The following LRRTM1 variants were observed in gnomAD, a reference collection of about 807,000 sequenced individuals.
The protein encoded by LRRTM1 is leucine rich repeat transmembrane neuronal 1.
LRRTM1 carries 8 observed loss-of-function variants against 37.3 expected under a neutral mutation model. The observed-to-expected ratio is 0.21, with a 90% CI of 0.13 to 0.39. The LOEUF (loss-of-function observed/expected upper bound fraction) is 0.39, where lower values mean the gene tolerates loss of function less well. LRRTM1 is among the 10% of genes least tolerant of loss of function. LRRTM1 has a pLI of 1.00. For missense variants in LRRTM1, 557 were observed against 691.0 expected (o/e 0.81, Z 2.17); for synonymous variants, 326 against 316.8 (o/e 1.03, Z -0.31).
chr2:80,300,281 G>GGGGTGTGTGT (rs1353283390), downstream of LRRTM1, among the ~76,000 whole-genome samples: 73 of 93,160 alleles, frequency 7.8e-4, no homozygotes, highest in Middle Eastern at 6.9e-3. Context: ...GGGGTGTTGG[G>GGGGTGTGTGT]GTGTGTGTGT....
At chr2:80,297,695 CA>C (rs779896938), downstream of LRRTM1, among the ~76,000 whole-genome samples, 2 of 151,962 alleles carry the variant, frequency 1.3e-5, no homozygotes, top group Admixed American at 1.3e-4. Flanking sequence ...AAAATACTCT[CA>C]AAAAATATAT....
At chr2:80,294,064 TACCTCATAATG>T (rs1675504938) in intron 2 of LRRTM1, among the ~76,000 whole-genome samples, 1 of 152,136 alleles carries the variant, frequency 6.6e-6, no homozygotes, top group Admixed American at 6.5e-5. Flanking sequence ...GGACTAGCTT[TACCTCATAATG>T]ACACAACCAA....
chr2:80,295,227 T>G (rs1445662252), intron 2 of LRRTM1, among the ~76,000 whole-genome samples: 1 of 145,206 alleles, frequency 6.9e-6, no homozygotes, highest in Non-Finnish European at 1.5e-5. Flanking sequence ...CTGAACAAAT[T>G]TTTTTTTTTT....
At chr2:80,288,546 AGGT>A (rs1348134505) in exon 3 of LRRTM1, 1 of 152,180 alleles carries the variant, frequency 6.6e-6, no homozygotes, top group Non-Finnish European at 1.5e-5. Flanking sequence ...GAAAGAATTA[AGGT>A]GAAAAATAAA....
intron 2 of LRRTM1, among the ~76,000 whole-genome samples, chr2:80,295,628 GA>G (rs1675676040): frequency 6.6e-6 from 1 of 152,174 alleles, no homozygotes; most frequent in Admixed American, 6.5e-5. Flanking sequence ...CCCCAAACTG[GA>G]AAGGTTCTTA....
At chr2:80,293,332 A>T (rs1675430992) in intron 2 of LRRTM1, among the ~76,000 whole-genome samples, 1 of 152,234 alleles carries the variant, frequency 6.6e-6, no homozygotes, top group Admixed American at 6.5e-5. Flanking sequence ...TATCTCTAAG[A>T]TAGAGAGCCC....
chr2:80,299,758 T>G (rs1351278188), downstream of LRRTM1: 1 of 152,158 alleles, frequency 6.6e-6, no homozygotes, highest in Non-Finnish European at 1.5e-5. Context: ...TTTCCAATAT[T>G]CAGATTTCTA....
In LRRTM1 at chr2:80,302,419, C is replaced by T. The variant is rs750764893; in HGVS notation, c.1401G>A (p.Gln467=). The change falls in exon 2 of 2, where the codon CAG becomes CAA. Residue 467 remains glutamine, a synonymous_variant. Transcript: ENST00000295057. The surrounding 1 kb of genome is among the most constrained non-coding windows in gnomAD (Gnocchi z 6.4). ...TCTGTTTCTGCTTTTGCTTCCTGCG[C>T]TGCGTGACAAAGCACTGTCTGAGCT... ...LRQLRQCFVT[Q]RRKQKQKQTM... 1 of 1,614,262 alleles carries T rather than the reference C, an allele frequency of 6.2e-7. No homozygotes were observed. Among genetic ancestry groups the T allele is most frequent in the Middle Eastern group, 1.6e-4 (1 of 6,062 alleles).
intron 2 of LRRTM1, among the ~76,000 whole-genome samples, chr2:80,294,378 T>C (rs1476289191): frequency 1.3e-5 from 2 of 152,174 alleles, no homozygotes; most frequent in Non-Finnish European, 2.9e-5. Context: ...TGCCACCAGA[T>C]GGAGTCAATG....
intron 2 of LRRTM1, among the ~76,000 whole-genome samples, chr2:80,293,222 T>C (rs918716646): frequency 1.3e-5 from 2 of 152,186 alleles, no homozygotes; most frequent in Non-Finnish European, 2.9e-5. Context: ...ATTGTTCCAT[T>C]AATTGTGTGT....
intron 2 of LRRTM1, among the ~76,000 whole-genome samples, chr2:80,293,999 A>C (rs1328518525): frequency 6.6e-6 from 1 of 152,118 alleles, no homozygotes; most frequent in Non-Finnish European, 1.5e-5. Flanking sequence ...GCCTGTGTGC[A>C]ATGGGTTTTC....
rs1676690522 is a variant in LRRTM1, at chr2:80,304,351, T to C, written c.-259A>G. On this transcript the variant is annotated 5_prime_UTR_variant, in exon 1 of 2. Coordinates refer to ENST00000295057, the MANE Select transcript of LRRTM1 (RefSeq NM_178839.5). ...GCCGGCAAGGCGGGGAGGCGACTTC[T>C]AGGACCCGCAAGTTTCCCAACTACG... 6.5e-6 allele frequency: 1 copy of C among 152,760 alleles called. No homozygotes were observed. Among genetic ancestry groups the C allele is most frequent in the African/African-American group, 2.4e-5 (1 of 41,438 alleles). The allele number at this position is 152,760 out of a possible 1,614,324, so 9.5% of individuals were successfully genotyped here.
At position 80,303,690 on chromosome 2, in the gene LRRTM1, G is replaced by T. The variant is rs202209285; in HGVS notation, c.130C>A (p.Arg44=). Residue 44 remains arginine (R), a synonymous_variant, in exon 2 of 2, where the codon CGG becomes AGG. Transcript: ENST00000295057. This position sits in a 1 kb window ranked among gnomAD's most constrained non-coding sequence, Gnocchi z 7.7. ...AAPSGCPQLC[R]CEGRLLYCEA... is the part of the protein sequence containing the mutation. Reference sequence around the variant, plus strand: ...CAGTACAGCAGCCGCCCCTCGCACCGGCACAGCTGCGGGCACCCGCTGGGG... The same window carrying T: ...CAGTACAGCAGCCGCCCCTCGCACCTGCACAGCTGCGGGCACCCGCTGGGG... 3.1e-6 allele frequency: 5 copies of T among 1,610,336 alleles called. No individual in the cohort carries two copies. The highest frequency in any genetic ancestry group is 2.2e-5 in the East Asian group (1 of 44,750).
At chr2:80,288,734 T>C (rs542861062) in exon 3 of LRRTM1, 1 of 152,424 alleles carries the variant, frequency 6.6e-6, no homozygotes, top group East Asian at 1.9e-4. Flanking sequence ...GCTCGATTTT[T>C]CTTCTTTTTT....
exon 3 of LRRTM1, chr2:80,288,846 C>T (rs939288258): frequency 6.6e-6 from 1 of 152,098 alleles, no homozygotes; most frequent in African/African-American, 2.4e-5. Context: ...GGTTGGTGGC[C>T]CCGGATAAAC....
downstream of LRRTM1, among the ~76,000 whole-genome samples, chr2:80,300,306 G>A (rs1462539975): frequency 6.6e-6 from 1 of 151,036 alleles, no homozygotes; most frequent in East Asian, 2.0e-4. Context: ...GTGTGTGTGT[G>A]TGTGTGTGTG....
chr2:80,293,992 T>G (rs1165775339), intron 2 of LRRTM1, among the ~76,000 whole-genome samples: 3 of 152,104 alleles, frequency 2.0e-5, no homozygotes, highest in East Asian at 1.9e-4. Context: ...TGTAGGAGCC[T>G]GTGTGCAATG....
chr2:80,302,682 T>C lies in LRRTM1; in HGVS notation c.1138A>G (p.Asn380Asp). ...TSGHLLSAVTNRSDLGPPASS... is the reference protein window; with the variant it reads ...TSGHLLSAVTDRSDLGPPASS... ...GCAGGGGGCCCCAGATCACTGCGGT[T>C]GGTGACGGCCGAGAGCAGGTGGCCG... The change falls in exon 2 of 2, where the codon AAC becomes GAC. Residue 380 changes from asparagine (N) to aspartate (D), a missense_variant. Physicochemically the swap from Asn to Asp is conservative, Grantham distance 23. This residue lies in a region of LRRTM1 where 89 missense variants were observed against 80.7 expected (regional missense o/e 1.10). Coordinates refer to ENST00000295057, the MANE Select transcript of LRRTM1 (RefSeq NM_178839.5). This position sits in a 1 kb window ranked among gnomAD's most constrained non-coding sequence, Gnocchi z 6.4. The C allele has an allele frequency of 1.2e-6, 2 of 1,612,286 alleles. No individual in the cohort carries two copies. Among genetic ancestry groups the C allele is most frequent in the South Asian group, 2.2e-5 (2 of 91,042 alleles).
At chr2:80,291,261 T>C (rs911696014) in intron 2 of LRRTM1, among the ~76,000 whole-genome samples, 2 of 152,228 alleles carry the variant, frequency 1.3e-5, no homozygotes, top group Admixed American at 1.3e-4. Context: ...CATAGAAAGT[T>C]ACTCTTACTT....
Sources: gnomAD v4.1 joint callset for allele counts (sites outside exome capture counted in the v4.1 genomes callset) on GRCh38, gnomAD v4.1.1 for gene constraint, gnomAD v4.1.1 regional missense constraint, Gnocchi (gnomAD v3.1) non-coding constraint, MANE v1.5 for transcripts, NCBI Gene and HGNC (gene_info 2026-07-23, HGNC 2026-07-21) for gene names.